Variants in ATOX1 observed in about 807,000 individuals in gnomAD.
The protein encoded by ATOX1 is antioxidant 1 copper chaperone.
ATOX1 carries 4 observed loss-of-function variants against 7.3 expected under a neutral mutation model. That is an observed-to-expected ratio of 0.55 (90% confidence interval 0.27 to 1.25). ATOX1 has a LOEUF of 1.25. Among genes scored for constraint, ATOX1 ranks in the 50% most tolerant of loss-of-function variants. The pLI, the probability that ATOX1 is intolerant of heterozygous loss-of-function variation, is 0.12. For missense variants in ATOX1, 68 were observed against 81.6 expected (o/e 0.83, Z 0.64); for synonymous variants, 25 against 28.7 (o/e 0.87, Z 0.41).
intron 2 of ATOX1, among the ~76,000 whole-genome samples, chr5:151,748,061 C>T (rs1202764589): frequency 1.3e-5 from 2 of 152,154 alleles, no homozygotes; most frequent in African/African-American, 4.8e-5. Context: ...TATTGTTATA[C>T]CATGAATTCA....
intron 2 of ATOX1, among the ~76,000 whole-genome samples, chr5:151,749,043 A>G (rs886276217): frequency 2.0e-5 from 3 of 151,348 alleles, no homozygotes; most frequent in Non-Finnish European, 4.4e-5. Flanking sequence ...GGCTGCAGTG[A>G]GCCAAGACCG....
chr5:151,751,712 T>G lies in ATOX1; in HGVS notation c.74A>C (p.Lys25Thr), dbSNP rs1761951114. The change falls in exon 2 of 4, where the codon AAG becomes ACG. Residue 25 changes from lysine (K) to threonine (T), a missense_variant. Lys to Thr is a moderately conservative substitution (Grantham distance 78). Coordinates refer to ENST00000313115, the MANE Select transcript of ATOX1 (RefSeq NM_004045.4). ...CAGGGCCACTCACTCACCTCCAAGC[T>G]TATTGAGGACCCGAGAGACAGCTTC... is the stretch of plus-strand genomic sequence containing the variant. ...CAEAVSRVLN[K>T]LGGVKYDIDL... is the part of the protein sequence containing the mutation. The G allele has an allele frequency of 6.2e-7, 1 of 1,606,330 alleles. No individual in the cohort carries two copies. Among genetic ancestry groups the G allele is most frequent in the Non-Finnish European group, 8.5e-7 (1 of 1,176,626 alleles).
At chr5:151,758,118 A>G (rs1762038395) in intron 1 of ATOX1, among the ~76,000 whole-genome samples, 1 of 152,234 alleles carries the variant, frequency 6.6e-6, no homozygotes, top group South Asian at 2.1e-4. Context: ...CCGTGAGGAA[A>G]TAACCGGGTC....
chr5:151,746,339 G>A lies in ATOX1; in HGVS notation c.193C>T (p.Leu65Phe). The change falls in exon 3 of 4, where the codon CTT becomes TTT. Residue 65 changes from leucine (L) to phenylalanine (F), a missense_variant. Physicochemically the swap from Leu to Phe is conservative, Grantham distance 22 (BLOSUM62 0). Coordinates refer to ENST00000313115, the MANE Select transcript of ATOX1 (RefSeq NM_004045.4). The part of the protein sequence containing the change: ...LKKTGKTVSY[L>F]GLE ...CCAGGCCCCTGCTACTCAAGGCCAA[G>A]GTAGGAAACAGTCTTTCCTGTTTTC... 6.2e-7 allele frequency: 1 copy of A among 1,613,628 alleles called. No individual in the cohort carries two copies. The highest frequency in any genetic ancestry group is 8.5e-7 in the Non-Finnish European group (1 of 1,179,744).
intron 2 of ATOX1, among the ~76,000 whole-genome samples, chr5:151,751,473 G>T (rs952352066): frequency 6.6e-6 from 1 of 151,900 alleles, no homozygotes; most frequent in East Asian, 1.9e-4. Context: ...GCTGTCTCCT[G>T]TTTAACATGG....
intron 3 of ATOX1, chr5:151,744,334 G>A (rs1761857027): frequency 1.3e-5 from 2 of 152,148 alleles, no homozygotes; most frequent in Non-Finnish European, 2.9e-5. Flanking sequence ...GCTTGCAGGA[G>A]TTATTTATAT....
rs1762044931 is a variant in ATOX1, at chr5:151,758,581, G to T, written c.-30C>A. 1.4e-6 allele frequency: 2 copies of T among 1,416,530 alleles called. No individual in the cohort carries two copies. The highest frequency in any genetic ancestry group is 2.9e-5 in the Admixed American group (1 of 34,238). 87.7% of individuals were successfully genotyped at this position (1,416,530 alleles called of 1,614,324 possible). A position where few individuals can be genotyped will look rare whatever the true frequency, so the allele number is the denominator to read the frequency against. On this transcript the variant is annotated 5_prime_UTR_variant, in exon 1 of 4. Coordinates refer to ENST00000313115, the MANE Select transcript of ATOX1 (RefSeq NM_004045.4). ...GAGGCAGCGGCGGTGTGGCGGCGGT[G>T]TGGCGGCGGTGTCAGCAGCGCCTCT...
intron 1 of ATOX1, among the ~76,000 whole-genome samples, chr5:151,755,072 A>AAC (rs1761997661): frequency 6.6e-6 from 1 of 151,656 alleles, no homozygotes; most frequent in Non-Finnish European, 1.5e-5. Context: ...AGAGTTGAGT[A>AAC]GTTGTACCAG....
Position 151,747,000 on chromosome 5 carries a change from CT to C in ATOX1, c.83-552del, listed in dbSNP as rs1761886134. Among the ~76,000 whole-genome samples the C allele has an allele frequency of 3.3e-5, 5 of 151,626 alleles. No homozygotes were observed. The South Asian group carries it at 1.0e-3, about 32-fold the overall frequency. ...CTGCCCGCCTTGGCCTCCCAAAGTG[CT>C]GGGAGTATAGGCATGAGCCACCGTG... On this transcript the variant is annotated intron_variant, in intron 2 of 3. Coordinates refer to ENST00000313115, the MANE Select transcript of ATOX1 (RefSeq NM_004045.4).
At chr5:151,758,019 A>G (rs1402211134) in intron 1 of ATOX1, among the ~76,000 whole-genome samples, 3 of 152,198 alleles carry the variant, frequency 2.0e-5, no homozygotes, top group African/African-American at 7.2e-5. Flanking sequence ...AAGTGTCTCC[A>G]TTCAGTGTCG....
intron 1 of ATOX1, among the ~76,000 whole-genome samples, chr5:151,755,984 C>A (rs1425159982): frequency 6.7e-5 from 10 of 149,654 alleles, no homozygotes; most frequent in Admixed American, 6.6e-4. Flanking sequence ...CAGTGTCACC[C>A]AGGCTGCAGT....
chr5:151,751,515 CGTG>C (rs1761948546), intron 2 of ATOX1, among the ~76,000 whole-genome samples, 186 bp downstream of exon 2: 1 of 151,990 alleles, frequency 6.6e-6, no homozygotes. Flanking sequence ...CTGAAATGGC[CGTG>C]GTGAGGATTA....
chr5:151,748,345 G>A (rs932796554), intron 2 of ATOX1, among the ~76,000 whole-genome samples: 6 of 152,154 alleles, frequency 3.9e-5, no homozygotes, highest in Non-Finnish European at 7.4e-5. Context: ...TACCTCATCT[G>A]TACATGAAGG....
chr5:151,749,849 A>C (rs1761925155), intron 2 of ATOX1, among the ~76,000 whole-genome samples: 1 of 152,106 alleles, frequency 6.6e-6, no homozygotes, highest in Non-Finnish European at 1.5e-5. Context: ...TTAAGATCCC[A>C]GTTTACAGGG....
chr5:151,743,564 T>G (rs1297007674), intron 3 of ATOX1: 1 of 152,168 alleles, frequency 6.6e-6, no homozygotes, highest in Non-Finnish European at 1.5e-5. Context: ...GTTACTGAAA[T>G]ATGTACAGGT....
intron 1 of ATOX1, 29 bp from the exon 2 acceptor site, chr5:151,751,808 C>T (rs751218130): frequency 1.6e-5 from 26 of 1,582,972 alleles, no homozygotes; most frequent in Middle Eastern, 1.7e-4. Flanking sequence ...GACCATGACC[C>T]GAGCCCTGTA....
chr5:151,749,661 CAAA>C (rs781536166), intron 2 of ATOX1, among the ~76,000 whole-genome samples: 1 of 54,424 alleles, frequency 1.8e-5, no homozygotes, highest in Admixed American at 2.1e-4. Context: ...ACTCCATCTC[CAAA>C]AAAAAAAAAA....
In ATOX1 at chr5:151,748,119, TTAA is replaced by T. The variant is rs560011864; in HGVS notation, c.83-1673_83-1671del. On this transcript the variant is annotated intron_variant, in intron 2 of 3. Coordinates refer to ENST00000313115, the MANE Select transcript of ATOX1 (RefSeq NM_004045.4). ...CAGATATTTGGCACATTTTGAATGT[TTAA>T]TAGACATTGCAAAATCGCCCTCCTA... 3.2e-4 allele frequency among the ~76,000 whole-genome samples: 49 copies of T among 152,328 alleles called. 2 individuals carry two copies. In the South Asian group the frequency reaches 9.7e-3, roughly 30 times the overall value.
Position 151,758,560 on chromosome 5 carries a change from C to A in ATOX1, c.-9G>T, listed in dbSNP as rs377261938. 1.1e-5 allele frequency: 15 copies of A among 1,428,428 alleles called. No individual in the cohort carries two copies. The highest frequency in any genetic ancestry group is 1.9e-4 in the Middle Eastern group (1 of 5,284). The allele number at this position is 1,428,428 out of a possible 1,614,324, so 88.5% of individuals were successfully genotyped here. On this transcript the variant is annotated 5_prime_UTR_variant, in exon 1 of 4. Transcript: ENST00000313115. ...CAACCACTCACCGGCATGACTGAGG[C>A]AGCGGCGGTGTGGCGGCGGTGTGGC...
Sources: gnomAD v4.1 joint callset for allele counts (sites outside exome capture counted in the v4.1 genomes callset) on GRCh38, gnomAD v4.1.1 for gene constraint, MANE v1.5 for transcripts, NCBI Gene and HGNC (gene_info 2026-07-23, HGNC 2026-07-21) for gene names.